Variants in ENTREP2 observed in about 807,000 individuals in gnomAD.
The protein encoded by ENTREP2 is protein ENTREP2.
At chr15:29,231,690 A>ATT in the ENTREP2 span, among the ~76,000 whole-genome samples, 24 of 151,924 alleles carry the variant, frequency 1.6e-4, no homozygotes, top group Non-Finnish European at 4.4e-5. Flanking sequence ...ATTATTCTTC[A>ATT]TTGTTAATAC....
At chr15:29,633,181 G>A in the ENTREP2 span, among the ~76,000 whole-genome samples, 2 of 152,138 alleles carry the variant, frequency 1.3e-5, no homozygotes, top group African/African-American at 4.8e-5. Flanking sequence ...TGAAAGTGCA[G>A]AGACTGGCAC....
chr15:29,286,888 C>T, the ENTREP2 span, among the ~76,000 whole-genome samples: 1 of 152,218 alleles, frequency 6.6e-6, no homozygotes, highest in Non-Finnish European at 1.5e-5. Context: ...CAGGAACTCC[C>T]TGGCACAATG....
At chr15:29,468,501 T>C in the ENTREP2 span, among the ~76,000 whole-genome samples, 1 of 151,818 alleles carries the variant, frequency 6.6e-6, no homozygotes, top group Non-Finnish European at 1.5e-5. Flanking sequence ...TCCCAGCTAC[T>C]TGGGAGGCTG....
chr15:29,158,437 ACT>A, the ENTREP2 span, among the ~76,000 whole-genome samples: 4 of 125,582 alleles, frequency 3.2e-5, no homozygotes, highest in Admixed American at 3.6e-4. Flanking sequence ...ATGTAGTCTC[ACT>A]CTTTCGCCCA....
the ENTREP2 span, among the ~76,000 whole-genome samples, chr15:29,393,740 AT>A: frequency 9.2e-3 from 751 of 81,634 alleles, no homozygotes; most frequent in Admixed American, 0.013. Context: ...GGCTACTTTT[AT>A]TTTTTTTTAA....
the ENTREP2 span, among the ~76,000 whole-genome samples, chr15:29,660,756 A>G: frequency 6.6e-6 from 1 of 152,234 alleles, no homozygotes; most frequent in Non-Finnish European, 1.5e-5. Flanking sequence ...TCCAATAATT[A>G]CAGTTGACCC....
the ENTREP2 span, among the ~76,000 whole-genome samples, chr15:29,645,232 G>A: frequency 6.6e-6 from 1 of 152,156 alleles, no homozygotes; most frequent in Admixed American, 6.5e-5. Context: ...GGGATGATGA[G>A]ACGTGAGAAT....
chr15:29,649,548 C>G, the ENTREP2 span, among the ~76,000 whole-genome samples: 1 of 151,760 alleles, frequency 6.6e-6, no homozygotes, highest in African/African-American at 2.4e-5. Context: ...TGGTGAAACC[C>G]TGTCTCTACT....
At chr15:29,570,632 A>T in the ENTREP2 span, 42 of 1,407,984 alleles carry the variant, frequency 3.0e-5, no homozygotes, top group Non-Finnish European at 3.2e-5. Context: ...CGCCAGCACG[A>T]TGCGGGAGCG....
At chr15:29,595,067 C>CAAAAAA in the ENTREP2 span, among the ~76,000 whole-genome samples, 3,989 of 85,896 alleles carry the variant, frequency 0.046, 182 homozygotes, top group Non-Finnish European at 0.06. Context: ...GACTCCGTCT[C>CAAAAAA]AAAAAAAAAA....
the ENTREP2 span, among the ~76,000 whole-genome samples, chr15:29,332,081 T>G: frequency 2.0e-5 from 3 of 152,192 alleles, no homozygotes; most frequent in Non-Finnish European, 4.4e-5. Context: ...TAAGATAAAG[T>G]GCACTGCTCA....
At chr15:29,634,983 T>A in the ENTREP2 span, among the ~76,000 whole-genome samples, 3 of 152,166 alleles carry the variant, frequency 2.0e-5, no homozygotes, top group East Asian at 3.9e-4. Flanking sequence ...TAGCTGGGAC[T>A]ACAGGCGCCT....
the ENTREP2 span, among the ~76,000 whole-genome samples, chr15:29,179,693 GC>G: frequency 2.0e-5 from 3 of 151,440 alleles, no homozygotes; most frequent in African/African-American, 7.3e-5. Context: ...CCATTCTCCT[GC>G]CTCAGCCTCC....
the ENTREP2 span, among the ~76,000 whole-genome samples, chr15:29,173,860 AAT>A: frequency 6.6e-6 from 1 of 151,788 alleles, no homozygotes; most frequent in South Asian, 2.1e-4. Context: ...ATTGCTTTAT[AAT>A]ATGTCTTATA....
At chr15:29,254,832 G>A in the ENTREP2 span, among the ~76,000 whole-genome samples, 4 of 152,258 alleles carry the variant, frequency 2.6e-5, no homozygotes, top group African/African-American at 9.6e-5. Flanking sequence ...GTAACAAAGC[G>A]AGACTCCGTC....
chr15:29,428,344 G>C, the ENTREP2 span, among the ~76,000 whole-genome samples: 1 of 152,098 alleles, frequency 6.6e-6, no homozygotes, highest in Non-Finnish European at 1.5e-5. Flanking sequence ...CTCCCGAGTA[G>C]CTGTTATTAC....
At chr15:29,388,177 C>G in the ENTREP2 span, among the ~76,000 whole-genome samples, 5 of 152,292 alleles carry the variant, frequency 3.3e-5, no homozygotes, top group South Asian at 2.1e-4. Context: ...TCAGAGTGAA[C>G]AGGCAACCTA....
the ENTREP2 span, among the ~76,000 whole-genome samples, chr15:29,218,465 T>C: frequency 1.3e-5 from 2 of 152,040 alleles, no homozygotes; most frequent in African/African-American, 4.8e-5. Flanking sequence ...GAAAAAACAA[T>C]TCTAAAATTC....
At chr15:29,632,160 T>C in the ENTREP2 span, among the ~76,000 whole-genome samples, 54 of 152,308 alleles carry the variant, frequency 3.5e-4, no homozygotes, top group East Asian at 9.3e-3. Flanking sequence ...ATAGCAAAGA[T>C]AAAAAGAAAA....
Sources: allele counts gnomAD v4.1 joint callset (sites outside exome capture counted in the v4.1 genomes callset), GRCh38; gene constraint gnomAD v4.1.1; transcripts MANE v1.5; gene names NCBI Gene and HGNC (gene_info 2026-07-23, HGNC 2026-07-21).